The following MECOM variants were observed in gnomAD, a reference collection of about 807,000 sequenced individuals.
MECOM encodes the protein histone-lysine N-methyltransferase MECOM.
MECOM carries 13 observed loss-of-function variants against 116.3 expected under a neutral mutation model. The ratio of observed to expected loss-of-function variants is 0.11; its 90% CI spans 0.07 to 0.18. The LOEUF is 0.18. MECOM is among the 10% of genes least tolerant of loss of function. MECOM has a pLI of 1.00. For synonymous variants in MECOM, 528 were observed against 535.2 expected (o/e 0.99, Z 0.19); for missense variants, 1,299 against 1,509.0 (o/e 0.86, Z 2.31).
intron 2 of MECOM, among the ~76,000 whole-genome samples, chr3:169,178,193 A>C (rs556803184): frequency 6.6e-6 from 1 of 152,328 alleles, no homozygotes; most frequent in South Asian, 2.1e-4. Context: ...CCTGCAAGCA[A>C]GTTTAAGGAA....
intron 1 of MECOM, among the ~76,000 whole-genome samples, chr3:169,593,478 T>C (rs994279827): frequency 6.6e-6 from 1 of 152,172 alleles, no homozygotes; most frequent in African/African-American, 2.4e-5. Flanking sequence ...AGATTGTCTA[T>C]ATATGTAGCT....
At chr3:169,569,401 C>G (rs1763621557) in intron 1 of MECOM, among the ~76,000 whole-genome samples, 1 of 152,146 alleles carries the variant, frequency 6.6e-6, no homozygotes, top group Non-Finnish European at 1.5e-5. Context: ...TAACACCCCA[C>G]TGTCAATATT....
In MECOM at chr3:169,370,011, A is replaced by G. The variant is rs958244171; in HGVS notation, c.375+11176T>C. Among the ~76,000 whole-genome samples the G allele has an allele frequency of 4.6e-5, 7 of 152,000 alleles. No homozygotes were observed. In the East Asian group the frequency reaches 1.4e-3, roughly 29 times the overall value. On this transcript the variant is annotated intron_variant, in intron 2 of 16. Coordinates refer to ENST00000651503, the MANE Select transcript of MECOM (RefSeq NM_004991.4). ...AGTTATCTAGTGTTAAGAGTATGCA[A>G]CACGTCAAGTGCACTTGCTTTCTCA...
intron 2 of MECOM, among the ~76,000 whole-genome samples, chr3:169,366,604 T>C (rs1194070812): frequency 2.6e-5 from 4 of 151,930 alleles, no homozygotes; most frequent in Non-Finnish European, 1.5e-5. Flanking sequence ...CAACAAGAAA[T>C]ACCTTTTTTT....
At chr3:169,469,531 C>T (rs1371125521) in intron 1 of MECOM, among the ~76,000 whole-genome samples, 1 of 152,166 alleles carries the variant, frequency 6.6e-6, no homozygotes, top group Non-Finnish European at 1.5e-5. Flanking sequence ...AGAAAAGCAG[C>T]TTATCTCCAC....
intron 1 of MECOM, among the ~76,000 whole-genome samples, chr3:169,568,713 C>T (rs1763537701): frequency 6.6e-6 from 1 of 152,152 alleles, no homozygotes; most frequent in Non-Finnish European, 1.5e-5. Context: ...AAAGCAGCAG[C>T]CCCAGTCAGG....
intron 10 of MECOM, among the ~76,000 whole-genome samples, chr3:169,105,854 C>A (rs1725230017): frequency 1.3e-5 from 2 of 151,984 alleles, no homozygotes; most frequent in Non-Finnish European, 2.9e-5. Context: ...TAGCTCCTAC[C>A]AAAAAATGTA....
chr3:169,548,547 G>T (rs948592582), intron 1 of MECOM, among the ~76,000 whole-genome samples: 1 of 152,192 alleles, frequency 6.6e-6, no homozygotes, highest in Non-Finnish European at 1.5e-5. Context: ...TTACAGAAGG[G>T]AATAAACCTC....
intron 3 of MECOM, among the ~76,000 whole-genome samples, chr3:169,140,064 A>AC (rs71166247): frequency 6.6e-6 from 1 of 150,704 alleles, no homozygotes; most frequent in African/African-American, 2.5e-5. Context: ...TGAAAAAAAA[A>AC]CATTTTTATG....
chr3:169,180,794 G>GATATATATATATATAT (rs10576266), intron 2 of MECOM, among the ~76,000 whole-genome samples: 2,464 of 108,592 alleles, frequency 0.023, 234 homozygotes, highest in East Asian at 0.11. Flanking sequence ...GTGTGGAGAT[G>GATATATATATATATAT]ATATATATAT....
intron 2 of MECOM, among the ~76,000 whole-genome samples, chr3:169,343,929 CA>C (rs1724957147): frequency 3.9e-5 from 6 of 152,002 alleles, no homozygotes; most frequent in Admixed American, 3.9e-4. Flanking sequence ...TTAAACTTAC[CA>C]AAGGAGACTC....
chr3:169,430,444 T>C (rs1045604289), intron 1 of MECOM, among the ~76,000 whole-genome samples: 4 of 152,168 alleles, frequency 2.6e-5, no homozygotes, highest in Non-Finnish European at 5.9e-5. Context: ...AAGCCAGTAA[T>C]TTTTTTCAAG....
intron 1 of MECOM, among the ~76,000 whole-genome samples, chr3:169,574,710 T>C (rs1287275579): frequency 3.9e-5 from 6 of 152,188 alleles, no homozygotes; most frequent in Non-Finnish European, 1.5e-5. Context: ...ATATTCTTGA[T>C]TGGCTTCAGA....
intron 1 of MECOM, among the ~76,000 whole-genome samples, chr3:169,506,417 C>T (rs1290733061): frequency 6.6e-6 from 1 of 151,840 alleles, no homozygotes; most frequent in African/African-American, 2.4e-5. Context: ...AGCGACTTTC[C>T]TCTTGACTTC....
At chr3:169,153,866 A>C (rs1741543382) in intron 2 of MECOM, among the ~76,000 whole-genome samples, 2 of 152,174 alleles carry the variant, frequency 1.3e-5, no homozygotes, top group Non-Finnish European at 2.9e-5. Context: ...AAATACTATA[A>C]GTTTCACAGT....
rs143932597 is a variant in MECOM, at chr3:169,453,151, G to T, written c.38-71627C>A. ...AGAGGTGGTTAATTAATTAACATTA[G>T]ATGTGATTAATAATGAGTCTCATTT... On this transcript the variant is annotated intron_variant, in intron 1 of 16. Transcript: ENST00000651503. Among the ~76,000 whole-genome samples the T allele has an allele frequency of 1.8e-4, 28 of 152,316 alleles. No individual in the cohort carries two copies. The East Asian group carries it at 4.8e-3, about 26-fold the overall frequency.
intron 1 of MECOM, among the ~76,000 whole-genome samples, chr3:169,474,585 G>A (rs750540575): frequency 6.6e-6 from 1 of 151,976 alleles, no homozygotes; most frequent in Non-Finnish European, 1.5e-5. Flanking sequence ...TTTCCCTAAT[G>A]CTAAAAACTC....
chr3:169,286,625 A>G (rs981869057), intron 2 of MECOM, among the ~76,000 whole-genome samples: 1 of 152,166 alleles, frequency 6.6e-6, no homozygotes, highest in South Asian at 2.1e-4. Context: ...ATTCCTTGCC[A>G]TTTTTATGTC....
At chr3:169,100,160 G>A (rs1316745549) in intron 12 of MECOM, among the ~76,000 whole-genome samples, 1 of 135,496 alleles carries the variant, frequency 7.4e-6, no homozygotes, top group Non-Finnish European at 1.5e-5. Flanking sequence ...GTGCAGTGGT[G>A]CAATCTTGGC....
Sources: allele counts gnomAD v4.1 joint callset (sites outside exome capture counted in the v4.1 genomes callset), GRCh38; gene constraint gnomAD v4.1.1; transcripts MANE v1.5; gene names NCBI Gene and HGNC (gene_info 2026-07-23, HGNC 2026-07-21).